PRKN: variants seen among roughly 807,000 people sequenced by gnomAD.
PRKN encodes parkin RBR E3 ubiquitin protein ligase, also known as E3 ubiquitin-protein ligase parkin.
A neutral mutation model predicts 59.5 loss-of-function variants in PRKN; 56 were observed. That is an observed-to-expected ratio of 0.94 (90% CI 0.76 to 1.18). PRKN has a LOEUF of 1.18. Among genes scored for constraint, PRKN ranks in the 50% most tolerant of loss-of-function variants. PRKN has a pLI of 0.00. For missense variants in PRKN, 657 were observed against 596.4 expected (o/e 1.10, Z -1.06); for synonymous variants, 250 against 222.1 (o/e 1.13, Z -1.12).
intron 4 of PRKN, among the ~76,000 whole-genome samples, chr6:162,115,418 C>T (rs948841280): frequency 4.0e-5 from 6 of 151,796 alleles, no homozygotes; most frequent in African/African-American, 7.3e-5. Context: ...GTGGGTGCAG[C>T]GCACCAGCAA....
At position 161,561,313 on chromosome 6, in the gene PRKN, T is replaced by C. The variant is rs1321147085; in HGVS notation, c.933+8042A>G. ...ATGAATTTATTACTTTTATCTGGAG[T>C]TGCACCAATTTTTTGGTTCCTAAGA... On this transcript the variant is annotated intron_variant, in intron 8 of 11. Coordinates refer to ENST00000366898, the MANE Select transcript of PRKN (RefSeq NM_004562.3). This position sits in a 1 kb window ranked among gnomAD's most constrained non-coding sequence, Gnocchi z 5.0. 6.6e-6 allele frequency among the ~76,000 whole-genome samples: 1 copy of C among 152,086 alleles called. No homozygotes were observed. The highest frequency in any genetic ancestry group is 2.4e-5 in the African/African-American group (1 of 41,402).
At chr6:161,536,642 G>A (rs1009952608) in intron 9 of PRKN, among the ~76,000 whole-genome samples, 12 of 152,174 alleles carry the variant, frequency 7.9e-5, no homozygotes, top group East Asian at 3.9e-4. Context: ...CTATAGAGTC[G>A]GTTTCATGCT....
At chr6:162,461,267 C>T (rs978179840) in intron 1 of PRKN, among the ~76,000 whole-genome samples, 1 of 151,292 alleles carries the variant, frequency 6.6e-6, no homozygotes, top group East Asian at 2.0e-4. Context: ...TTTAGGAGGC[C>T]GAGGCGGGAG....
chr6:162,012,122 G>A (rs1782751919), intron 5 of PRKN, among the ~76,000 whole-genome samples: 1 of 152,094 alleles, frequency 6.6e-6, no homozygotes, highest in Non-Finnish European at 1.5e-5. Context: ...CTGCGGAGAT[G>A]AGAAATCGTT....
chr6:162,128,237 A>T (rs1781199268), intron 4 of PRKN, among the ~76,000 whole-genome samples: 1 of 152,214 alleles, frequency 6.6e-6, no homozygotes, highest in Non-Finnish European at 1.5e-5. Flanking sequence ...ATAACAGAAA[A>T]TATGTAGATG....
chr6:162,387,183 A>C (rs1786872656), intron 2 of PRKN, among the ~76,000 whole-genome samples: 1 of 151,592 alleles, frequency 6.6e-6, no homozygotes, highest in East Asian at 1.9e-4. Flanking sequence ...GAAGGTTCAT[A>C]AAGGCAACAA....
At position 161,561,104 on chromosome 6, in the gene PRKN, TTC is replaced by T. The variant is rs964130972; in HGVS notation, c.933+8249_933+8250del. Among the ~76,000 whole-genome samples the T allele has an allele frequency of 1.2e-4, 19 of 152,180 alleles. No individual in the cohort carries two copies. The highest frequency in any genetic ancestry group is 4.1e-4 in the African/African-American group (17 of 41,454). On this transcript the variant is annotated intron_variant, in intron 8 of 11. Coordinates refer to ENST00000366898, the MANE Select transcript of PRKN (RefSeq NM_004562.3). This position sits in a 1 kb window ranked among gnomAD's most constrained non-coding sequence, Gnocchi z 5.0. ...TGTTTCTCCAGTGACATGTTCTCTC[TTC>T]TTTCTTCCCCTCAACCCGCCGAAAA...
chr6:161,600,657 C>T (rs1782073704), intron 7 of PRKN, among the ~76,000 whole-genome samples: 1 of 152,132 alleles, frequency 6.6e-6, no homozygotes, highest in Admixed American at 6.5e-5. Context: ...CAACACTAAC[C>T]TCAGTTAAAC....
chr6:161,644,999 T>C (rs1211479511), intron 7 of PRKN, among the ~76,000 whole-genome samples: 1 of 152,188 alleles, frequency 6.6e-6, no homozygotes, highest in Non-Finnish European at 1.5e-5. Context: ...TTTATCCTTA[T>C]AGCCAACCCA....
At chr6:162,606,038 C>A (rs1001869812) in intron 1 of PRKN, among the ~76,000 whole-genome samples, 1 of 152,094 alleles carries the variant, frequency 6.6e-6, no homozygotes, top group Non-Finnish European at 1.5e-5. Flanking sequence ...TACAGCAAAA[C>A]CTTTCATCCA....
chr6:161,890,479 T>C (rs563634540), intron 6 of PRKN, among the ~76,000 whole-genome samples: 3 of 152,304 alleles, frequency 2.0e-5, no homozygotes, highest in African/African-American at 7.2e-5. Flanking sequence ...ATTTAATCTA[T>C]GCTATGCGTT....
intron 6 of PRKN, among the ~76,000 whole-genome samples, chr6:161,835,615 G>A (rs990256018): frequency 2.6e-5 from 4 of 152,146 alleles, no homozygotes; most frequent in Admixed American, 1.3e-4. Context: ...GCGTTTCCAC[G>A]CCGGGGATAG....
chr6:161,660,397 C>T (rs958925082), intron 7 of PRKN, among the ~76,000 whole-genome samples: 13 of 151,836 alleles, frequency 8.6e-5, no homozygotes, highest in African/African-American at 1.7e-4. Flanking sequence ...ACGGTAGTTA[C>T]GAAACTTGAA....
In PRKN at chr6:162,390,427, A is replaced by C. The variant is rs969193521; in HGVS notation, c.171+52883T>G. The stretch of plus-strand genomic sequence containing the variant: ...CACACACACACACACACACACACAC[A>C]CCTTATATATATATATATATTTGGA... On this transcript the variant is annotated intron_variant, in intron 2 of 11. Transcript: ENST00000366898. 9.7e-4 allele frequency among the ~76,000 whole-genome samples: 133 copies of C among 137,236 alleles called. 2 individuals are homozygous for C. The highest frequency in any genetic ancestry group is 1.8e-3 in the African/African-American group (63 of 34,498). The allele number at this position is 137,236 out of a possible 152,430, so 90.0% of individuals were successfully genotyped here.
intron 9 of PRKN, among the ~76,000 whole-genome samples, chr6:161,506,045 T>G (rs1461252272): frequency 6.6e-6 from 1 of 151,494 alleles, no homozygotes; most frequent in African/African-American, 2.4e-5. Flanking sequence ...TAAAGTAGTT[T>G]TTTCCAATTC....
rs1346360874 is a variant in PRKN, at chr6:161,503,119, C to T, written c.1083+45735G>A. Among the ~76,000 whole-genome samples, 2 of 152,048 alleles carry T rather than the reference C, an allele frequency of 1.3e-5. No homozygotes were observed. The highest frequency in any genetic ancestry group is 2.9e-5 in the Non-Finnish European group (2 of 68,014). On this transcript the variant is annotated intron_variant, in intron 9 of 11. Transcript: ENST00000366898. The surrounding 1 kb of genome is among the most constrained non-coding windows in gnomAD (Gnocchi z 5.1). ...GGTATGTCTTCTGGCCCAAGGCTAA[C>T]AGCAGGTGTGTATTATAAAGGCAAA...
At chr6:162,600,915 C>T (rs564717316) in intron 1 of PRKN, among the ~76,000 whole-genome samples, 35 of 151,702 alleles carry the variant, frequency 2.3e-4, no homozygotes, top group South Asian at 1.0e-3. Flanking sequence ...AACTTCTTTT[C>T]TTTATAAATT....
chr6:161,922,937 T>C (rs75567417), intron 6 of PRKN, among the ~76,000 whole-genome samples: 3,839 of 152,304 alleles, frequency 0.025, 145 homozygotes, highest in African/African-American at 0.086. Flanking sequence ...TATTTCACAA[T>C]TGCAGTTTAA....
At chr6:161,829,486 G>A (rs1274680804) in intron 6 of PRKN, among the ~76,000 whole-genome samples, 1 of 152,112 alleles carries the variant, frequency 6.6e-6, no homozygotes, top group Admixed American at 6.5e-5. Flanking sequence ...GCTCCCTGCG[G>A]TCTGAGGATC....
Sources: gnomAD v4.1 joint callset for allele counts (sites outside exome capture counted in the v4.1 genomes callset) on GRCh38, gnomAD v4.1.1 for gene constraint, Gnocchi (gnomAD v3.1) non-coding constraint, MANE v1.5 for transcripts, NCBI Gene and HGNC (gene_info 2026-07-23, HGNC 2026-07-21) for gene names.